ADCY5: variants seen among roughly 807,000 people sequenced by gnomAD.
The protein encoded by ADCY5 is adenylate cyclase 5.
ADCY5 carries 30 observed loss-of-function variants against 119.7 expected under a neutral mutation model. The observed-to-expected ratio is 0.25, with a 90% CI of 0.19 to 0.34. The LOEUF (loss-of-function observed/expected upper bound fraction) is 0.34. ADCY5 is among the 10% of genes least tolerant of loss of function. ADCY5 has a pLI of 1.00. For synonymous variants in ADCY5, 753 were observed against 762.2 expected, an observed-to-expected ratio of 0.99 and a Z score of 0.20; for missense variants, 1,324 against 1,775.2, an observed-to-expected ratio of 0.75 and a Z score of 4.57.
chr3:123,385,693 C>T (rs1055174992), intron 1 of ADCY5, among the ~76,000 whole-genome samples: 11 of 152,300 alleles, frequency 7.2e-5, no homozygotes, highest in African/African-American at 2.4e-4. Context: ...GCTGTGTGAT[C>T]TTGGACAAGT....
intron 3 of ADCY5, among the ~76,000 whole-genome samples, chr3:123,346,227 G>T (rs1325927845): frequency 6.6e-6 from 1 of 152,248 alleles, no homozygotes; most frequent in Non-Finnish European, 1.5e-5. Flanking sequence ...ACTGCCTGAA[G>T]GGCTCAAGCC....
At chr3:123,390,525 C>A (rs57623926) in intron 1 of ADCY5, among the ~76,000 whole-genome samples, 72,164 of 151,614 alleles carry the variant, frequency 0.48, 17,914 homozygotes, top group East Asian at 0.68. Context: ...TCTGCATCCA[C>A]AGAGGTGCAT....
At chr3:123,336,376 GC>G (rs994404959) in intron 3 of ADCY5, among the ~76,000 whole-genome samples, 1 of 152,232 alleles carries the variant, frequency 6.6e-6, no homozygotes, top group African/African-American at 2.4e-5. Flanking sequence ...CAGACTGGCT[GC>G]ACATGAGTCA....
intron 5 of ADCY5, among the ~76,000 whole-genome samples, chr3:123,329,652 G>A (rs1486920222): frequency 6.6e-6 from 1 of 152,060 alleles, no homozygotes; most frequent in Non-Finnish European, 1.5e-5. Context: ...TAACACCTGG[G>A]GCATGGGCGC....
chr3:123,416,596 C>T (rs573469328), intron 1 of ADCY5, among the ~76,000 whole-genome samples: 5 of 152,306 alleles, frequency 3.3e-5, no homozygotes, highest in African/African-American at 2.4e-5. Context: ...AATACCAACC[C>T]GTGGCTCTTA....
chr3:123,303,119 T>C lies in ADCY5; in HGVS notation c.2660A>G (p.Asn887Ser), dbSNP rs774983582. ...GCCCTGCTCATCGCCCAGGCTGTAG[T>C]TGACGGCCGACTCCGCCACGTGACA... ...NACHVAESAV[N>S]YSLGDEQGFC... Residue 887 changes from asparagine (N) to serine (S), a missense_variant, in exon 14 of 21, where the codon AAC becomes AGC. Coordinates refer to ENST00000462833, the MANE Select transcript of ADCY5 (RefSeq NM_183357.3). 10 of 1,613,860 alleles carry C rather than the reference T, an allele frequency of 6.2e-6. No homozygotes were observed. Among genetic ancestry groups the C allele is most frequent in the Non-Finnish European group, 8.5e-6 (10 of 1,180,026 alleles).
At chr3:123,414,843 C>G (rs777948135) in intron 1 of ADCY5, among the ~76,000 whole-genome samples, 9 of 152,230 alleles carry the variant, frequency 5.9e-5, no homozygotes, top group Non-Finnish European at 1.3e-4. Flanking sequence ...CAGGCACAAG[C>G]CACCCTGCCC....
chr3:123,426,820 G>A (rs530728958), intron 1 of ADCY5, among the ~76,000 whole-genome samples: 1 of 152,236 alleles, frequency 6.6e-6, no homozygotes, highest in African/African-American at 2.4e-5. Context: ...AAGGAATGAG[G>A]TCCTCAGAGG....
chr3:123,386,795 C>T lies in ADCY5; in HGVS notation c.1135-34214G>A, dbSNP rs1944240267. On this transcript the variant is annotated intron_variant, in intron 1 of 20. Transcript: ENST00000462833. ...GCCTGCCAGCGCCCCCGACCCCACC[C>T]CGTTTCCTGTAACTTCTCCTAGATA... Among the ~76,000 whole-genome samples, 2 of 152,180 alleles carry T rather than the reference C, an allele frequency of 1.3e-5. 1 individual carries two copies. The highest frequency in any genetic ancestry group is 1.3e-4 in the Admixed American group (2 of 15,282).
chr3:123,352,725 T>G lies in ADCY5; in HGVS notation c.1135-144A>C, dbSNP rs1305330268. 1.0e-6 allele frequency: 1 copy of G among 954,090 alleles called. No homozygotes were observed. Among genetic ancestry groups the G allele is most frequent in the Non-Finnish European group, 1.5e-6 (1 of 662,650 alleles). The allele number at this position is 954,090 out of a possible 1,614,324, so 59.1% of individuals were successfully genotyped here. A position where few individuals can be genotyped will look rare whatever the true frequency, so the allele number is the denominator to read the frequency against. On this transcript the variant is annotated intron_variant, in intron 1 of 20. Coordinates refer to ENST00000462833, the MANE Select transcript of ADCY5 (RefSeq NM_183357.3). This position sits in a 1 kb window ranked among gnomAD's most constrained non-coding sequence, Gnocchi z 4.8. ...GGGCACCCCACACGCGGCCAACCACTGTGAGCAGCCGAGCATAATCGATCG... is the reference window on the plus strand; with the variant it reads ...GGGCACCCCACACGCGGCCAACCACGGTGAGCAGCCGAGCATAATCGATCG...
chr3:123,304,813 C>G (rs946465619), intron 12 of ADCY5, among the ~76,000 whole-genome samples: 1 of 152,166 alleles, frequency 6.6e-6, no homozygotes, highest in African/African-American at 2.4e-5. Context: ...CAAAGACCCC[C>G]TGCAGCTTTG....
intron 14 of ADCY5, among the ~76,000 whole-genome samples, chr3:123,301,662 G>A (rs1329039679): frequency 6.6e-6 from 1 of 152,238 alleles, no homozygotes; most frequent in African/African-American, 2.4e-5. Context: ...TGAGGAGCCA[G>A]GACCTGCCCA....
chr3:123,370,422 G>A (rs943888110), intron 1 of ADCY5, among the ~76,000 whole-genome samples: 4 of 152,190 alleles, frequency 2.6e-5, no homozygotes, highest in Non-Finnish European at 4.4e-5. Context: ...AGCCCCTCTT[G>A]CAGCAAGGTG....
At chr3:123,431,346 G>A (rs546012736) in intron 1 of ADCY5, among the ~76,000 whole-genome samples, 12 of 152,238 alleles carry the variant, frequency 7.9e-5, no homozygotes, top group African/African-American at 2.4e-4. Context: ...GAGGCAGAAG[G>A]ATCACTTCAG....
intron 1 of ADCY5, among the ~76,000 whole-genome samples, chr3:123,402,178 A>C (rs1215758099): frequency 1.3e-5 from 2 of 152,170 alleles, no homozygotes; most frequent in Non-Finnish European, 2.9e-5. Context: ...AGGCTTAGGG[A>C]GGGTTCCAAC....
At chr3:123,422,951 A>G (rs1157818485) in intron 1 of ADCY5, among the ~76,000 whole-genome samples, 1 of 152,210 alleles carries the variant, frequency 6.6e-6, no homozygotes, top group Admixed American at 6.5e-5. Flanking sequence ...GACACGTGGT[A>G]CAGAAACTTC....
chr3:123,286,997 G>T lies in ADCY5; in HGVS notation c.3533-188C>A. ...TCCTGTCAAATGCCTGTGAATGCAA[G>T]ACACAAGGAGCCTGCACCTGTGTCC... On this transcript the variant is annotated intron_variant, in intron 19 of 20. Coordinates refer to ENST00000462833, the MANE Select transcript of ADCY5 (RefSeq NM_183357.3). The surrounding 1 kb of genome is among the most constrained non-coding windows in gnomAD (Gnocchi z 4.2). 1 of 735,452 alleles carries T rather than the reference G, an allele frequency of 1.4e-6. No homozygotes were observed. Among genetic ancestry groups the T allele is most frequent in the Non-Finnish European group, 2.1e-6 (1 of 485,248 alleles). The allele number at this position is 735,452 out of a possible 1,614,324, so 45.6% of individuals were successfully genotyped here. A position where few individuals can be genotyped will look rare whatever the true frequency, so the allele number is the denominator to read the frequency against.
chr3:123,420,968 T>C (rs1487868060), intron 1 of ADCY5, among the ~76,000 whole-genome samples: 1 of 152,188 alleles, frequency 6.6e-6, no homozygotes, highest in African/African-American at 2.4e-5. Flanking sequence ...CAGGTCATCT[T>C]GCCTCTGCGT....
intron 1 of ADCY5, among the ~76,000 whole-genome samples, chr3:123,424,406 G>A (rs562824999): frequency 5.9e-5 from 9 of 152,304 alleles, no homozygotes; most frequent in African/African-American, 2.2e-4. Context: ...AGACCTTGGG[G>A]CCTCCCCAGG....
Sources: allele counts gnomAD v4.1 joint callset (sites outside exome capture counted in the v4.1 genomes callset), GRCh38; gene constraint gnomAD v4.1.1; non-coding constraint Gnocchi (gnomAD v3.1); transcripts MANE v1.5; gene names NCBI Gene and HGNC (gene_info 2026-07-23, HGNC 2026-07-21).